PHOX2A: variants seen among roughly 807,000 people sequenced by gnomAD.
The protein encoded by PHOX2A is paired like homeobox 2A.
A neutral mutation model predicts 16.4 loss-of-function variants in PHOX2A; 10 were observed. That is an observed-to-expected ratio of 0.61 (90% CI 0.38 to 1.04). The LOEUF (loss-of-function observed/expected upper bound fraction) is 1.04. Among genes scored for constraint, PHOX2A ranks in the 50% least tolerant of loss-of-function variants. The probability of loss-of-function intolerance (pLI) is 0.01; values close to 1 mark genes in which losing one functional copy is unlikely to be tolerated. For synonymous variants in PHOX2A, 219 were observed against 203.8 expected, an observed-to-expected ratio of 1.07 and a Z score of -0.64; for missense variants, 361 against 419.4, an observed-to-expected ratio of 0.86 and a Z score of 1.22.
rs1251963015 is a variant in PHOX2A, at chr11:72,239,336, G to A, written c.*413C>T. 6.3e-6 allele frequency: 1 copy of A among 159,586 alleles called. No homozygotes were observed. The highest frequency in any genetic ancestry group is 1.8e-4 in the East Asian group (1 of 5,676). 9.9% of individuals were successfully genotyped at this position (159,586 alleles called of 1,614,324 possible). The stretch of plus-strand genomic sequence containing the variant: ...AGCCTCTGTACGGGTGGGCCCGAGG[G>A]GTGGGGCAGCGGGCTTTCCTGATCA... On this transcript the variant is annotated 3_prime_UTR_variant, in exon 3 of 3. Coordinates refer to ENST00000298231, the MANE Select transcript of PHOX2A (RefSeq NM_005169.4).
chr11:72,241,322 G>GGGCGGGGGGGCGGGGGGGGGGC, intron 1 of PHOX2A, 33 bp from the exon 2 acceptor site: 2 of 626,608 alleles, frequency 3.2e-6, no homozygotes, highest in Non-Finnish European at 5.3e-6. Context: ...CGGGGGGGGG[G>GGGCGGGGGGGCGGGGGGGGGGC]CAAAAAGGAT....
chr11:72,240,330 T>G, intron 2 of PHOX2A, 132 bp from the exon 3 acceptor site: 1 of 1,229,082 alleles, frequency 8.1e-7, no homozygotes, highest in Non-Finnish European at 1.1e-6. Context: ...TGGAGGGGCC[T>G]TCGGCCCTCC....
Position 72,240,099 on chromosome 11 carries a change from GCGCCTCGCCCTTTTTGGCGCC to G in PHOX2A, c.484_504del (p.Gly162_Ala168del). On this transcript the variant is annotated inframe_deletion, in exon 3 of 3. Coordinates refer to ENST00000298231, the MANE Select transcript of PHOX2A (RefSeq NM_005169.4). ...GAATCGTCGTCCTCGGAGGAGCAGC[GCGCCTCGCCCTTTTTGGCGCC>G]CGCCGCGCCCGCCGCGCCCTTGGCG... The G allele has an allele frequency of 6.5e-7, 1 of 1,531,206 alleles. No homozygotes were observed. Among genetic ancestry groups the G allele is most frequent in the Admixed American group, 2.0e-5 (1 of 50,662 alleles). 94.9% of individuals were successfully genotyped at this position (1,531,206 alleles called of 1,614,324 possible).
At position 72,240,202 on chromosome 11, in the gene PHOX2A, C is replaced by T; in HGVS notation, c.406-4G>A. On this transcript the variant is annotated splice_polypyrimidine_tract_variant and splice_region_variant and intron_variant, in intron 2 of 2. Coordinates refer to ENST00000298231, the MANE Select transcript of PHOX2A (RefSeq NM_005169.4). ...CCCGGCGGTTCTGGAACCAGACCTGCGGGCACAGGGGCCAGTCAGCCTGGA... is the reference window on the plus strand; with the variant it reads ...CCCGGCGGTTCTGGAACCAGACCTGTGGGCACAGGGGCCAGTCAGCCTGGA... 3 of 1,534,426 alleles carry T rather than the reference C, an allele frequency of 2.0e-6. No individual in the cohort carries two copies. The highest frequency in any genetic ancestry group is 1.7e-6 in the Non-Finnish European group (2 of 1,145,626).
At chr11:72,242,699 C>G (rs567259035) in intron 1 of PHOX2A, among the ~76,000 whole-genome samples, 1 of 152,188 alleles carries the variant, frequency 6.6e-6, no homozygotes, top group Non-Finnish European at 1.5e-5. Context: ...TTCTGTCACC[C>G]AGGCTGGAAT....
chr11:72,239,675 T>G lies in PHOX2A; in HGVS notation c.*74A>C, dbSNP rs1013199325. 9 of 1,150,784 alleles carry G rather than the reference T, an allele frequency of 7.8e-6. No homozygotes were observed. The highest frequency in any genetic ancestry group is 1.0e-5 in the Non-Finnish European group (9 of 892,826). The allele number at this position is 1,150,784 out of a possible 1,614,324, so 71.3% of individuals were successfully genotyped here. On this transcript the variant is annotated 3_prime_UTR_variant, in exon 3 of 3. Transcript: ENST00000298231. ...GGGACTTCCAGGCGGGTGGCCAGGA[T>G]GGGAGGGGCTGTCAGGTCCTGGAGG...
intron 2 of PHOX2A, among the ~76,000 whole-genome samples, 193 bp from the exon 3 acceptor site, chr11:72,240,391 C>G (rs1302068130): frequency 3.3e-5 from 5 of 152,246 alleles, no homozygotes; most frequent in African/African-American, 1.2e-4. Flanking sequence ...CTCCAGATCC[C>G]TGGGTTCTTG....
In PHOX2A at chr11:72,239,812, GA is replaced by G; in HGVS notation, c.791del (p.Phe264SerfsTer16). On this transcript the variant is annotated frameshift_variant, in exon 3 of 3. Coordinates refer to ENST00000298231, the MANE Select transcript of PHOX2A (RefSeq NM_005169.4). LOFTEE classifies it high-confidence loss of function. ...WQPAESGPGP[F>X]SGVLSSFHRK... is the part of the protein sequence containing the mutation. ...GGTGAAAGGAGGACAGAACCCCGGA[GA>G]AGGGCCCGGGGCCGGACTCCGCCGG... 1.5e-6 allele frequency: 2 copies of G among 1,358,222 alleles called. No homozygotes were observed. Among genetic ancestry groups the G allele is most frequent in the Admixed American group, 3.1e-5 (1 of 32,372 alleles). The allele number at this position is 1,358,222 out of a possible 1,614,324, so 84.1% of individuals were successfully genotyped here. A position where few individuals can be genotyped will look rare whatever the true frequency, so the allele number is the denominator to read the frequency against.
intron 2 of PHOX2A, 134 bp from the exon 3 acceptor site, chr11:72,240,332 C>G: frequency 8.3e-7 from 1 of 1,198,744 alleles, no homozygotes; most frequent in Non-Finnish European, 1.1e-6. Flanking sequence ...GAGGGGCCTT[C>G]GGCCCTCCGC....
chr11:72,240,979 C>A, intron 2 of PHOX2A, 123 bp downstream of exon 2: 1 of 1,075,054 alleles, frequency 9.3e-7, no homozygotes. Flanking sequence ...GCCCAAGCAC[C>A]CTGGGACCGC....
chr11:72,244,159 C>G lies in PHOX2A; in HGVS notation c.-155G>C, dbSNP rs1029682352. On this transcript the variant is annotated 5_prime_UTR_variant, in exon 1 of 3. Coordinates refer to ENST00000298231, the MANE Select transcript of PHOX2A (RefSeq NM_005169.4). ...CCCGCCCCGTCGCGGCCGCACTCAGCCCGGGTGCAACGCAAGTGCAGCCAG... is the reference window on the plus strand; with the variant it reads ...CCCGCCCCGTCGCGGCCGCACTCAGGCCGGGTGCAACGCAAGTGCAGCCAG... 5.0e-6 allele frequency: 2 copies of G among 399,024 alleles called. No individual in the cohort carries two copies. The highest frequency in any genetic ancestry group is 8.7e-6 in the Non-Finnish European group (2 of 228,944). The allele number at this position is 399,024 out of a possible 1,614,324, so 24.7% of individuals were successfully genotyped here.
Position 72,244,039 on chromosome 11 carries a change from C to T in PHOX2A, c.-35G>A, listed in dbSNP as rs987908206. On this transcript the variant is annotated 5_prime_UTR_variant, in exon 1 of 3. Coordinates refer to ENST00000298231, the MANE Select transcript of PHOX2A (RefSeq NM_005169.4). ...GGGCGGGGGCGGGGGCCGGGCCAGG[C>T]CGGGTCGGGGTCGGGGTCCGGGTGG... is the stretch of plus-strand genomic sequence containing the variant. 1.8e-6 allele frequency: 2 copies of T among 1,105,838 alleles called. No individual in the cohort carries two copies. The highest frequency in any genetic ancestry group is 1.2e-6 in the Non-Finnish European group (1 of 862,462). The allele number at this position is 1,105,838 out of a possible 1,614,324, so 68.5% of individuals were successfully genotyped here. A position where few individuals can be genotyped will look rare whatever the true frequency, so the allele number is the denominator to read the frequency against.
At position 72,241,199 on chromosome 11, in the gene PHOX2A, T is replaced by G; in HGVS notation, c.308A>C (p.Lys103Thr). The change falls in exon 2 of 3, where the codon AAG becomes ACG. Residue 103 changes from lysine (K) to threonine (T), a missense_variant. By Grantham distance (78) the Lys-to-Thr change is moderately conservative. Coordinates refer to ENST00000298231, the MANE Select transcript of PHOX2A (RefSeq NM_005169.4). ...CTCAGCGAAAACGCGCTCCAGCTCCTTGAGCTGCGCGCTGGTGAACGTGGT... is the reference window on the plus strand; with the variant it reads ...CTCAGCGAAAACGCGCTCCAGCTCCGTGAGCTGCGCGCTGGTGAACGTGGT... The part of the protein sequence containing the change: ...IRTTFTSAQL[K>T]ELERVFAETH... 6.2e-7 allele frequency: 1 copy of G among 1,613,844 alleles called. No individual in the cohort carries two copies. The highest frequency in any genetic ancestry group is 8.5e-7 in the Non-Finnish European group (1 of 1,179,980).
Position 72,239,641 on chromosome 11 carries a change from A to G in PHOX2A, c.*108T>C. The G allele has an allele frequency of 1.2e-6, 1 of 843,562 alleles. No individual in the cohort carries two copies. The highest frequency in any genetic ancestry group is 3.3e-5 in the East Asian group (1 of 30,102). 52.3% of individuals were successfully genotyped at this position (843,562 alleles called of 1,614,324 possible). A position where few individuals can be genotyped will look rare whatever the true frequency, so the allele number is the denominator to read the frequency against. On this transcript the variant is annotated 3_prime_UTR_variant, in exon 3 of 3. Transcript: ENST00000298231. ...CGAGGGGTGAGACAGTAGGGAGTGG[A>G]GACGGATGGGGACTTCCAGGCGGGT... is the stretch of plus-strand genomic sequence containing the variant.
At position 72,244,123 on chromosome 11, in the gene PHOX2A, C is replaced by T. The variant is rs896335661; in HGVS notation, c.-119G>A. The T allele has an allele frequency of 1.6e-5, 7 of 444,780 alleles. No homozygotes were observed. Among genetic ancestry groups the T allele is most frequent in the Non-Finnish European group, 2.2e-5 (6 of 269,366 alleles). The allele number at this position is 444,780 out of a possible 1,614,324, so 27.6% of individuals were successfully genotyped here. ...AGGACCCGAGGCCAGCTCTGAGCGC[C>T]CGAGAGTCCGCCCGCCCCGTCGCGG... is the stretch of plus-strand genomic sequence containing the variant. On this transcript the variant is annotated 5_prime_UTR_variant, in exon 1 of 3. Coordinates refer to ENST00000298231, the MANE Select transcript of PHOX2A (RefSeq NM_005169.4).
At chr11:72,243,562 G>A (rs1182511456) in intron 1 of PHOX2A, among the ~76,000 whole-genome samples, 1 of 152,202 alleles carries the variant, frequency 6.6e-6, no homozygotes, top group Non-Finnish European at 1.5e-5. Context: ...GACCTGAAGG[G>A]CACGAGACAG....
chr11:72,240,961 C>G (rs1949114072), intron 2 of PHOX2A, 141 bp downstream of exon 2: 2 of 859,340 alleles, frequency 2.3e-6, no homozygotes, highest in Non-Finnish European at 3.8e-6. Flanking sequence ...CTGCTGCCTC[C>G]CGTAGCTGCC....
Position 72,241,205 on chromosome 11 carries a change from T to C in PHOX2A, c.302A>G (p.Gln101Arg). The stretch of plus-strand genomic sequence containing the variant: ...GAAAACGCGCTCCAGCTCCTTGAGC[T>C]GCGCGCTGGTGAACGTGGTGCGGAT... Reference protein sequence around the residue: ...RRIRTTFTSAQLKELERVFAE... With the variant: ...RRIRTTFTSARLKELERVFAE... Residue 101 changes from glutamine to arginine, a missense_variant, in exon 2 of 3, where the codon CAG (glutamine) becomes CGG (arginine). Physicochemically the swap from Gln to Arg is conservative, Grantham distance 43. Around this residue, in one of 3 missense-constraint regions of PHOX2A, gnomAD observed 235 missense variants for 263.8 expected, o/e 0.89. Coordinates refer to ENST00000298231, the MANE Select transcript of PHOX2A (RefSeq NM_005169.4). The C allele has an allele frequency of 1.9e-6, 3 of 1,611,734 alleles. No individual in the cohort carries two copies. Among genetic ancestry groups the C allele is most frequent in the Non-Finnish European group, 2.5e-6 (3 of 1,179,254 alleles).
intron 2 of PHOX2A, 104 bp downstream of exon 2, chr11:72,240,998 T>A (rs1168088684): frequency 1.1e-5 from 14 of 1,289,188 alleles, no homozygotes; most frequent in Non-Finnish European, 1.5e-5. Context: ...GCGCCCTGCC[T>A]TCGGGCTGCA....
Sources: allele counts gnomAD v4.1 joint callset (sites outside exome capture counted in the v4.1 genomes callset), GRCh38; gene constraint gnomAD v4.1.1; regional missense constraint gnomAD v4.1.1; transcripts MANE v1.5; gene names NCBI Gene and HGNC (gene_info 2026-07-23, HGNC 2026-07-21).